NFX1: variants seen among roughly 807,000 people sequenced by gnomAD.
NFX1 encodes transcriptional repressor NF-X1.
A neutral mutation model predicts 137.2 loss-of-function variants in NFX1; 69 were observed. The ratio of observed to expected loss-of-function variants is 0.50; its 90% CI spans 0.41 to 0.61. NFX1 has a LOEUF of 0.61. NFX1 is among the 20% of genes least tolerant of loss of function. The probability of loss-of-function intolerance (pLI) is 0.00; values close to 1 mark genes in which losing one functional copy is unlikely to be tolerated. For missense variants in NFX1, 1,167 were observed against 1,391.0 expected (o/e 0.84, Z 2.56); for synonymous variants, 495 against 474.1 (o/e 1.04, Z -0.57).
intron 11 of NFX1, among the ~76,000 whole-genome samples, chr9:33,334,101 C>A (rs1822911305): frequency 6.6e-6 from 1 of 152,166 alleles, no homozygotes; most frequent in Non-Finnish European, 1.5e-5. Context: ...ACTGAGATCA[C>A]ACCATTGCTC....
intron 23 of NFX1, among the ~76,000 whole-genome samples, chr9:33,369,074 CT>C (rs1211285354): frequency 2.0e-5 from 3 of 150,530 alleles, no homozygotes; most frequent in Non-Finnish European, 4.4e-5. Flanking sequence ...TTCTTTTTTT[CT>C]TTTTTTTTGA....
chr9:33,351,644 T>C lies in NFX1; in HGVS notation c.2509T>C (p.Cys837Arg). The change falls in exon 16 of 24, where the codon TGT becomes CGT. Residue 837 changes from cysteine (C) to arginine (R), a missense_variant. Coordinates refer to ENST00000379540, the MANE Select transcript of NFX1 (RefSeq NM_002504.6). Reference sequence around the variant, plus strand: ...CACGCTACCATGTGGGATGCACAAATGTCAGAGACTCTGTCACAAAGGGGA... The same window carrying C: ...CACGCTACCATGTGGGATGCACAAACGTCAGAGACTCTGTCACAAAGGGGA... The part of the protein sequence containing the change: ...SATLPCGMHK[C>R]QRLCHKGECL... 6.2e-7 allele frequency: 1 copy of C among 1,614,164 alleles called. No individual in the cohort carries two copies. Among genetic ancestry groups the C allele is most frequent in the East Asian group, 2.2e-5 (1 of 44,876 alleles).
intron 9 of NFX1, among the ~76,000 whole-genome samples, chr9:33,324,591 T>C (rs937326443): frequency 1.3e-5 from 2 of 151,768 alleles, no homozygotes; most frequent in African/African-American, 4.8e-5. Context: ...CAATAGTAGA[T>C]TTGAGCTGGC....
rs60988084 is a variant in NFX1, at chr9:33,363,263, GTATTAT to G, written c.2874-715_2874-710del. On this transcript the variant is annotated intron_variant, in intron 19 of 23. Coordinates refer to ENST00000379540, the MANE Select transcript of NFX1 (RefSeq NM_002504.6). ...AATAAAAATAAAATAATAAAGAAAT[GTATTAT>G]TATTATTATTATTATTATTATTATT... 3.1e-3 allele frequency among the ~76,000 whole-genome samples: 443 copies of G among 144,820 alleles called. 3 individuals carry two copies. Among genetic ancestry groups the G allele is most frequent in the Admixed American group, 7.9e-3 (115 of 14,520 alleles).
At chr9:33,348,405 G>A (rs1191899472) in intron 15 of NFX1, 2 of 151,832 alleles carry the variant, frequency 1.3e-5, no homozygotes, top group Non-Finnish European at 2.9e-5. Flanking sequence ...TACACTCCTC[G>A]GGTGATGGGT....
chr9:33,301,239 T>C (rs1564102928), intron 2 of NFX1, 24 bp from the exon 3 acceptor site: 13 of 1,604,934 alleles, frequency 8.1e-6, no homozygotes. Context: ...GTTAATCTTT[T>C]TTGTTATTTT....
intron 19 of NFX1, among the ~76,000 whole-genome samples, chr9:33,362,466 A>G (rs1564149973): frequency 6.6e-6 from 1 of 152,192 alleles, no homozygotes; most frequent in African/African-American, 2.4e-5. Flanking sequence ...TTGCAACAAC[A>G]TGGATGGACC....
intron 17 of NFX1, 30 bp from the exon 18 acceptor site, chr9:33,354,056 C>G: frequency 6.4e-7 from 1 of 1,559,530 alleles, no homozygotes; most frequent in Non-Finnish European, 8.7e-7. Context: ...ACTGCAATGC[C>G]TCTTTTTCCC....
intron 21 of NFX1, chr9:33,364,975 A>T: frequency 7.2e-7 from 1 of 1,389,808 alleles, no homozygotes; most frequent in South Asian, 1.5e-5. Context: ...AGTTGACTGC[A>T]GAAAAGATCT....
At chr9:33,315,872 A>G (rs892928588) in intron 7 of NFX1, among the ~76,000 whole-genome samples, 8 of 135,654 alleles carry the variant, frequency 5.9e-5, no homozygotes, top group African/African-American at 2.2e-4. Context: ...AGCCTAGGTG[A>G]CAGTACCCAC....
chr9:33,305,507 AT>A lies in NFX1; in HGVS notation c.1271-1684del, dbSNP rs374775205. On this transcript the variant is annotated intron_variant, in intron 4 of 23. Transcript: ENST00000379540. ...TACCAGTCTCAGATGTTGGGACTTC[AT>A]TTGGAAGGCTGTGGGAAGCCACTGA... 1.7e-3 allele frequency among the ~76,000 whole-genome samples: 252 copies of A among 152,328 alleles called. 1 individual carries two copies. The highest frequency in any genetic ancestry group is 5.7e-3 in the African/African-American group (236 of 41,574).
chr9:33,369,680 T>C (rs1772701400), intron 23 of NFX1, among the ~76,000 whole-genome samples: 1 of 152,004 alleles, frequency 6.6e-6, no homozygotes, highest in Non-Finnish European at 1.5e-5. Context: ...GAATTTGTTA[T>C]CTCACAGAAT....
intron 2 of NFX1, among the ~76,000 whole-genome samples, chr9:33,296,632 A>G (rs971302545): frequency 6.6e-6 from 1 of 152,186 alleles, no homozygotes; most frequent in African/African-American, 2.4e-5. Flanking sequence ...ACACTCAGGA[A>G]GCTGAAGTGA....
intron 12 of NFX1, among the ~76,000 whole-genome samples, chr9:33,340,620 C>T (rs1343844781): frequency 6.6e-6 from 1 of 152,172 alleles, no homozygotes; most frequent in African/African-American, 2.4e-5. Context: ...ATTTTCTTTT[C>T]TCTCACATTG....
At chr9:33,338,371 CA>C in intron 11 of NFX1, 138 bp from the exon 12 acceptor site, 15 of 776,118 alleles carry the variant, frequency 1.9e-5, no homozygotes, top group South Asian at 5.0e-5. Flanking sequence ...CAAAACAAAA[CA>C]AAAAAAACTG....
At chr9:33,367,835 G>C (rs1271442241) in intron 23 of NFX1, among the ~76,000 whole-genome samples, 1 of 152,230 alleles carries the variant, frequency 6.6e-6, no homozygotes, top group Admixed American at 6.5e-5. Context: ...ATTCTAGAGA[G>C]AGCAGTCACT....
Position 33,294,840 on chromosome 9 carries a change from A to G in NFX1, c.446A>G (p.His149Arg), listed in dbSNP as rs1334152870. The G allele has an allele frequency of 3.1e-6, 5 of 1,614,190 alleles. No homozygotes were observed. Among genetic ancestry groups the G allele is most frequent in the African/African-American group, 2.7e-5 (2 of 75,052 alleles). The change falls in exon 2 of 24, where the codon CAT (histidine) becomes CGT (arginine). Residue 149 changes from histidine (H) to arginine (R), a missense_variant. Physicochemically the swap from His to Arg is conservative, Grantham distance 29. This residue lies in a region of NFX1 where 367 missense variants were observed against 386.7 expected (regional missense o/e 0.95). Transcript: ENST00000379540. ...RSESGTDLREHSPSESEKEVV... is the reference protein window; with the variant it reads ...RSESGTDLRERSPSESEKEVV... The stretch of plus-strand genomic sequence containing the variant: ...GAGAGTGGGACAGACCTCAGAGAGC[A>G]TAGTCCTTCTGAGAGTGAGAAGGAA...
rs1821265975 is a variant in NFX1, at chr9:33,294,322, G to C, written c.26-98G>C. On this transcript the variant is annotated intron_variant, in intron 1 of 23. Transcript: ENST00000379540. ...TACTTAACAGCATGTTTTATACAAA[G>C]TTCTAAGGAAAGTAATTTTTAGATT... 4 of 1,162,632 alleles carry C rather than the reference G, an allele frequency of 3.4e-6. No homozygotes were observed. In the South Asian group the frequency reaches 4.7e-5, roughly 14 times the overall value. 72.0% of individuals were successfully genotyped at this position (1,162,632 alleles called of 1,614,324 possible).
chr9:33,312,327 A>G (rs1226910771), intron 6 of NFX1, among the ~76,000 whole-genome samples: 1 of 152,234 alleles, frequency 6.6e-6, no homozygotes, highest in Non-Finnish European at 1.5e-5. Flanking sequence ...ATAAAGTAGA[A>G]ATAATAGTGT....
Sources: allele counts gnomAD v4.1 joint callset (sites outside exome capture counted in the v4.1 genomes callset), GRCh38; gene constraint gnomAD v4.1.1; regional missense constraint gnomAD v4.1.1; transcripts MANE v1.5; gene names NCBI Gene and HGNC (gene_info 2026-07-23, HGNC 2026-07-21).